The following CEP290 variants were observed in gnomAD, a reference collection of about 807,000 sequenced individuals.
CEP290 encodes the protein centrosomal protein of 290 kDa.
A neutral mutation model predicts 344.9 loss-of-function variants in CEP290; 317 were observed. The observed-to-expected ratio is 0.92, with a 90% CI of 0.84 to 1.01. The LOEUF (loss-of-function observed/expected upper bound fraction) is 1.01, where lower values mean the gene tolerates loss of function less well. Among genes scored for constraint, CEP290 ranks in the 50% least tolerant of loss-of-function variants. CEP290 has a pLI of 0.00. For synonymous variants in CEP290, 932 were observed against 895.8 expected (o/e 1.04, Z -0.72); for missense variants, 2,754 against 2,761.4 (o/e 1.00, Z 0.06).
intron 41 of CEP290, among the ~76,000 whole-genome samples, chr12:88,074,421 T>C (rs966758571): frequency 1.3e-5 from 2 of 152,188 alleles, no homozygotes; most frequent in Non-Finnish European, 2.9e-5. Flanking sequence ...CATTACTTGC[T>C]AAATTAAGAT....
intron 43 of CEP290, among the ~76,000 whole-genome samples, chr12:88,070,580 G>A (rs899221388): frequency 1.6e-4 from 24 of 152,118 alleles, no homozygotes; most frequent in African/African-American, 5.3e-4. Flanking sequence ...AATATTTTTT[G>A]GGAGGGAAAT....
In CEP290 at chr12:88,092,902, T is replaced by G. The variant is rs536029652; in HGVS notation, c.3310-70A>C. 4 of 1,413,846 alleles carry G rather than the reference T, an allele frequency of 2.8e-6. No homozygotes were observed. The South Asian group carries it at 4.8e-5, about 17-fold the overall frequency. 87.6% of individuals were successfully genotyped at this position (1,413,846 alleles called of 1,614,324 possible). ...TGAGGTTTTCTTTGTAATTTAGCTT[T>G]TAAAGTACTGCAATCCTCTTTACTT... On this transcript the variant is annotated intron_variant, in intron 28 of 53. Coordinates refer to ENST00000552810, the MANE Select transcript of CEP290 (RefSeq NM_025114.4).
At chr12:88,107,217 TTCAGTA>T (rs1373728567) in intron 23 of CEP290, 119 bp from the exon 24 acceptor site, 2 of 546,064 alleles carry the variant, frequency 3.7e-6, no homozygotes, top group African/African-American at 4.0e-5. Context: ...ATCATAGCTA[TTCAGTA>T]TCTGAAAACA....
intron 26 of CEP290, among the ~76,000 whole-genome samples, chr12:88,097,594 TACACACACACAC>T (rs775122104): frequency 8.4e-6 from 1 of 118,674 alleles, no homozygotes; most frequent in East Asian, 2.6e-4. Context: ...CATATATATA[TACACACACACAC>T]ACATACACAC....
intron 44 of CEP290, among the ~76,000 whole-genome samples, 174 bp from the exon 45 acceptor site, chr12:88,064,289 C>T (rs1486826839): frequency 1.4e-4 from 3 of 20,716 alleles, no homozygotes; most frequent in Non-Finnish European, 2.9e-4. Flanking sequence ...ACAAAACTTG[C>T]AGAACAAAGG....
intron 29 of CEP290, 70 bp downstream of exon 29, chr12:88,092,611 T>C (rs971933095): frequency 3.7e-6 from 5 of 1,368,018 alleles, no homozygotes; most frequent in African/African-American, 1.5e-5. Flanking sequence ...ATACCTGTAA[T>C]TGGGTTTCTT....
intron 29 of CEP290, among the ~76,000 whole-genome samples, chr12:88,091,811 T>C (rs2037067000): frequency 6.6e-6 from 1 of 152,210 alleles, no homozygotes; most frequent in South Asian, 2.1e-4. Context: ...CTTGACAGAT[T>C]AACTAAGTGC....
chr12:88,138,076 C>T (rs2040440335), intron 5 of CEP290, among the ~76,000 whole-genome samples: 1 of 152,122 alleles, frequency 6.6e-6, no homozygotes, highest in Admixed American at 6.6e-5. Context: ...TCTCTCACTC[C>T]CACACCCACA....
At chr12:88,101,658 CA>C (rs11297432) in intron 26 of CEP290, among the ~76,000 whole-genome samples, 105,929 of 111,066 alleles carry the variant, frequency 0.95, 50,533 homozygotes, top group East Asian at 0.99. Context: ...AACTCCATCT[CA>C]AAAAAAAAAA....
chr12:88,093,236 C>T (rs893419785), intron 28 of CEP290, among the ~76,000 whole-genome samples: 6 of 152,118 alleles, frequency 3.9e-5, no homozygotes, highest in Admixed American at 1.3e-4. Flanking sequence ...GATATAAATG[C>T]TTTGAAAATA....
chr12:88,121,066 A>G lies in CEP290; in HGVS notation c.1290T>C (p.Ala430=). The G allele has an allele frequency of 6.2e-7, 1 of 1,613,610 alleles. No homozygotes were observed. Among genetic ancestry groups the G allele is most frequent in the Non-Finnish European group, 8.5e-7 (1 of 1,179,702 alleles). ...TATCCTTTTCCCTAGCATCAGCCTC[A>G]GCCAGTTCAGCTGTTCTCTCAGCCT... is the stretch of plus-strand genomic sequence containing the variant. ...TKEAERTAEL[A]EADAREKDKE... The change falls in exon 14 of 54, where the codon GCT becomes GCC. Residue 430 remains alanine (A), a synonymous_variant. Transcript: ENST00000552810.
chr12:88,125,226 CTA>C lies in CEP290; in HGVS notation c.1189+18_1189+19del. On this transcript the variant is annotated intron_variant, in intron 13 of 53. Transcript: ENST00000552810. ...AAAAACATAATTGTATATAAAATAA[CTA>C]TATATTTATAAAAATACCTTTGTTT... 1.5e-6 allele frequency: 1 copy of C among 669,084 alleles called. No individual in the cohort carries two copies. The highest frequency in any genetic ancestry group is 3.5e-5 in the East Asian group (1 of 28,552). The allele number at this position is 669,084 out of a possible 1,614,324, so 41.4% of individuals were successfully genotyped here. A position where few individuals can be genotyped will look rare whatever the true frequency, so the allele number is the denominator to read the frequency against.
chr12:88,131,030 T>A, intron 7 of CEP290, 135 bp downstream of exon 7: 4 of 641,398 alleles, frequency 6.2e-6, no homozygotes, highest in Admixed American at 8.2e-5. Context: ...GACAAAGTCA[T>A]ACCATAAAAT....
In CEP290 at chr12:88,121,172, G is replaced by C. The variant is rs373668917; in HGVS notation, c.1190-6C>G. The C allele has an allele frequency of 6.2e-7, 1 of 1,602,506 alleles. No individual in the cohort carries two copies. The highest frequency in any genetic ancestry group is 8.5e-7 in the Non-Finnish European group (1 of 1,175,014). On this transcript the variant is annotated splice_region_variant and splice_polypyrimidine_tract_variant and intron_variant, in intron 13 of 53. Transcript: ENST00000552810. ...TTGAGAAAGGGTTGAAGCACCTACA[G>C]AGTAAAAACAAAAATCATGAATTGA...
At chr12:88,076,888 T>G (rs1193723036) in intron 41 of CEP290, among the ~76,000 whole-genome samples, 1 of 152,044 alleles carries the variant, frequency 6.6e-6, no homozygotes, top group East Asian at 1.9e-4. Context: ...TGTAAATGAT[T>G]ACTTTGGAGA....
intron 35 of CEP290, 66 bp downstream of exon 35, chr12:88,084,520 A>C: frequency 7.5e-7 from 1 of 1,333,868 alleles, no homozygotes; most frequent in Non-Finnish European, 1.0e-6. Flanking sequence ...TTAGGGTAAA[A>C]TAATATTTAG....
In CEP290 at chr12:88,093,834, T is replaced by C. The variant is rs1459549768; in HGVS notation, c.3245A>G (p.His1082Arg). 6.2e-7 allele frequency: 1 copy of C among 1,612,860 alleles called. No individual in the cohort carries two copies. Among genetic ancestry groups the C allele is most frequent in the East Asian group, 2.2e-5 (1 of 44,828 alleles). The part of the protein sequence containing the change: ...RAEHCQKMYE[H>R]LRTSLKQMEE... ...CATTTGCTTTAACGAAGTCCGTAAG[T>C]GTTCATACATTTTTTGACAATGTTC... Residue 1082 changes from histidine to arginine, a missense_variant, in exon 28 of 54, where the codon CAC becomes CGC. Physicochemically the swap from His to Arg is conservative, Grantham distance 29. Coordinates refer to ENST00000552810, the MANE Select transcript of CEP290 (RefSeq NM_025114.4).
At chr12:88,080,432 A>G in intron 37 of CEP290, 37 bp from the exon 38 acceptor site, 1 of 1,502,700 alleles carries the variant, frequency 6.7e-7, no homozygotes. Context: ...TGTGTTTTTT[A>G]ATTTTTAATT....
Position 88,139,184 on chromosome 12 carries a change from T to C in CEP290, c.258A>G (p.Gln86=). ...AGEEQAKFEN[Q]LKTKVMKLEN... is the part of the protein sequence containing the mutation. Reference sequence around the variant, plus strand: ...CCAGTTTCATTACTTTAGTTTTTAATTGATTTTCTATTTTTTTAAAAAAAA... The same window carrying C: ...CCAGTTTCATTACTTTAGTTTTTAACTGATTTTCTATTTTTTTAAAAAAAA... The change falls in exon 5 of 54, where the codon CAA becomes CAG. Residue 86 remains glutamine, a synonymous_variant. Coordinates refer to ENST00000552810, the MANE Select transcript of CEP290 (RefSeq NM_025114.4). 3 of 1,165,392 alleles carry C rather than the reference T, an allele frequency of 2.6e-6. No homozygotes were observed. The highest frequency in any genetic ancestry group is 3.5e-6 in the Non-Finnish European group (3 of 846,684). 72.2% of individuals were successfully genotyped at this position (1,165,392 alleles called of 1,614,324 possible).
Sources: gnomAD v4.1 joint callset for allele counts (sites outside exome capture counted in the v4.1 genomes callset) on GRCh38, gnomAD v4.1.1 for gene constraint, MANE v1.5 for transcripts, NCBI Gene and HGNC (gene_info 2026-07-23, HGNC 2026-07-21) for gene names.